COL11A1: variants seen among roughly 807,000 people sequenced by gnomAD.
COL11A1 encodes the protein collagen alpha-1(XI) chain.
A neutral mutation model predicts 265.2 loss-of-function variants in COL11A1; 74 were observed. The observed-to-expected ratio is 0.28, with a 90% confidence interval of 0.23 to 0.34. The LOEUF is 0.34. Among genes scored for constraint, COL11A1 ranks in the 10% least tolerant of loss-of-function variants. The probability of loss-of-function intolerance (pLI) is 1.00; values close to 1 mark genes in which losing one functional copy is unlikely to be tolerated. For synonymous variants in COL11A1, 816 were observed against 727.6 expected (o/e 1.12, Z -1.96); for missense variants, 2,165 against 2,263.6 (o/e 0.96, Z 0.88).
At chr1:103,097,383 A>G (rs539320087) in intron 1 of COL11A1, among the ~76,000 whole-genome samples, 1 of 151,964 alleles carries the variant, frequency 6.6e-6, no homozygotes, top group South Asian at 2.1e-4. Context: ...TCCCTTCATA[A>G]AGGCCTTCAC....
At chr1:102,995,607 A>T (rs900997159) in intron 28 of COL11A1, among the ~76,000 whole-genome samples, 1 of 105,422 alleles carries the variant, frequency 9.5e-6, no homozygotes, top group South Asian at 2.7e-4. Context: ...AAGCACATGT[A>T]AAAAAAAAAA....
intron 46 of COL11A1, among the ~76,000 whole-genome samples, chr1:102,929,237 A>C (rs902780540): frequency 3.4e-5 from 5 of 149,240 alleles, no homozygotes; most frequent in Admixed American, 6.7e-5. Flanking sequence ...CTAACGTTTA[A>C]GTCTTTAATC....
At chr1:102,989,902 T>TG (rs1663956695) in intron 28 of COL11A1, among the ~76,000 whole-genome samples, 1 of 152,108 alleles carries the variant, frequency 6.6e-6, no homozygotes, top group African/African-American at 2.4e-5. Flanking sequence ...AAGTAAATAT[T>TG]TAGCCAGGTG....
chr1:102,898,403 A>G (rs1475714141), intron 56 of COL11A1, among the ~76,000 whole-genome samples: 2 of 151,844 alleles, frequency 1.3e-5, no homozygotes, highest in African/African-American at 4.8e-5. Context: ...TAGGTTATAT[A>G]TAAACATTTC....
chr1:102,959,416 G>A (rs972015307), intron 41 of COL11A1, among the ~76,000 whole-genome samples: 4 of 17,414 alleles, frequency 2.3e-4, no homozygotes, highest in African/African-American at 4.3e-4. Flanking sequence ...GCTCTTCAAC[G>A]ATTTTGTAAT....
At chr1:102,903,766 A>T (rs1335018741) in intron 54 of COL11A1, among the ~76,000 whole-genome samples, 1 of 152,204 alleles carries the variant, frequency 6.6e-6, no homozygotes, top group Non-Finnish European at 1.5e-5. Flanking sequence ...ACTCTGCATT[A>T]TACCCCTCTA....
rs1423868983 is a variant in COL11A1 at position 103,021,715 on chromosome 1, C to A, written c.1300G>T (p.Val434Phe). The change falls in exon 9 of 67, where the codon GTT becomes TTT. Residue 434 changes from valine (V) to phenylalanine (F), a missense_variant. By Grantham distance (50) the Val-to-Phe change is conservative. Coordinates refer to ENST00000370096, the MANE Select transcript of COL11A1 (RefSeq NM_001854.4). ...TTCACACTACTACTTACAGGCTCAA[C>A]CACTGCTGGTTCTCCTTTCTGTCCT... ...EKGQKGEPAV[V>F]EPGMLVEGPP... The A allele has an allele frequency of 6.2e-7, 1 of 1,611,018 alleles. No individual in the cohort carries two copies. The highest frequency in any genetic ancestry group is 8.5e-7 in the Non-Finnish European group (1 of 1,177,308).
chr1:103,082,485 A>G (rs756760963), intron 2 of COL11A1, among the ~76,000 whole-genome samples: 22 of 152,064 alleles, frequency 1.4e-4, no homozygotes, highest in Non-Finnish European at 1.0e-4. Flanking sequence ...TAGGCTAGAT[A>G]TAAAATGTTG....
intron 41 of COL11A1, among the ~76,000 whole-genome samples, chr1:102,947,264 A>G (rs1421960810): frequency 6.6e-6 from 1 of 152,186 alleles, no homozygotes; most frequent in Admixed American, 6.5e-5. Flanking sequence ...ATAATTGTGC[A>G]CAATGCTTTA....
chr1:103,107,003 C>T (rs1301762438), intron 1 of COL11A1, among the ~76,000 whole-genome samples: 1 of 152,166 alleles, frequency 6.6e-6, no homozygotes, highest in African/African-American at 2.4e-5. Context: ...ACAAAGCTTG[C>T]TTTCTACTCT....
chr1:103,054,310 A>G (rs959380619), intron 4 of COL11A1, among the ~76,000 whole-genome samples: 1 of 152,200 alleles, frequency 6.6e-6, no homozygotes, highest in Non-Finnish European at 1.5e-5. Flanking sequence ...AGATCTACAG[A>G]CAAGAATTAA....
intron 36 of COL11A1, among the ~76,000 whole-genome samples, chr1:102,972,940 T>A (rs942166119): frequency 7.2e-5 from 11 of 152,124 alleles, no homozygotes; most frequent in African/African-American, 2.7e-4. Context: ...ATTAACAGAA[T>A]CTGAAGGGAA....
At chr1:103,085,141 G>C (rs1283399723) in intron 1 of COL11A1, among the ~76,000 whole-genome samples, 1 of 152,190 alleles carries the variant, frequency 6.6e-6, no homozygotes, top group African/African-American at 2.4e-5. Context: ...TCACAAATAT[G>C]ATGAGCTCTG....
chr1:103,023,097 G>T, intron 7 of COL11A1, 101 bp from the exon 8 acceptor site: 1 of 1,268,252 alleles, frequency 7.9e-7, no homozygotes, highest in Non-Finnish European at 1.1e-6. Flanking sequence ...GATGGGATGC[G>T]ATTTTGTTAC....
In COL11A1 at chr1:103,086,963, T is replaced by C. The variant is rs1422689448; in HGVS notation, c.107-3991A>G. On this transcript the variant is annotated intron_variant, in intron 1 of 66. Coordinates refer to ENST00000370096, the MANE Select transcript of COL11A1 (RefSeq NM_001854.4). ...TTTGATCTCATAATCCTCATAGATA[T>C]TGCGTTTAATAAATTGTCATTAAAT... Among the ~76,000 whole-genome samples, 3 of 152,222 alleles carry C rather than the reference T, an allele frequency of 2.0e-5. No homozygotes were observed. In the South Asian group the frequency reaches 6.2e-4, roughly 32 times the overall value.
At chr1:103,053,720 T>A (rs925531676) in intron 4 of COL11A1, among the ~76,000 whole-genome samples, 5 of 152,164 alleles carry the variant, frequency 3.3e-5, no homozygotes, top group Non-Finnish European at 7.4e-5. Context: ...CTTAAATATC[T>A]CCTAAAAACA....
chr1:102,966,226 G>A (rs1166248077), intron 37 of COL11A1, among the ~76,000 whole-genome samples: 1 of 152,106 alleles, frequency 6.6e-6, no homozygotes, highest in Non-Finnish European at 1.5e-5. Flanking sequence ...ACATAATTGT[G>A]TGAATATAGG....
intron 25 of COL11A1, among the ~76,000 whole-genome samples, chr1:102,997,379 A>C (rs745986346): frequency 6.6e-6 from 1 of 151,976 alleles, no homozygotes; most frequent in Non-Finnish European, 1.5e-5. Context: ...AGCTTAGAAA[A>C]AGCACATAAA....
intron 12 of COL11A1, among the ~76,000 whole-genome samples, chr1:103,015,350 A>G (rs1666477550): frequency 6.6e-6 from 1 of 151,970 alleles, no homozygotes; most frequent in Non-Finnish European, 1.5e-5. Flanking sequence ...GGTAAATAGT[A>G]TATTAATGTT....
Sources: gnomAD v4.1 joint callset for allele counts (sites outside exome capture counted in the v4.1 genomes callset) on GRCh38, gnomAD v4.1.1 for gene constraint, MANE v1.5 for transcripts, NCBI Gene and HGNC (gene_info 2026-07-23, HGNC 2026-07-21) for gene names.